Variants in SLX9 observed in about 807,000 individuals in gnomAD.
The protein encoded by SLX9 is ribosome biogenesis protein SLX9 homolog.
In SLX9, 19 loss-of-function variants were observed where a neutral mutation model predicts 20.8. That is an observed-to-expected ratio of 0.91 (90% CI 0.64 to 1.34). The LOEUF (loss-of-function observed/expected upper bound fraction) is 1.34. Ranked by LOEUF, SLX9 falls within the 40% of genes most tolerant of loss-of-function variation. The probability of loss-of-function intolerance (pLI) is 0.00; values close to 1 mark genes in which losing one functional copy is unlikely to be tolerated. For missense variants in SLX9, 299 were observed against 322.2 expected, an observed-to-expected ratio of 0.93 and a Z score of 0.55; for synonymous variants, 113 against 137.1, an observed-to-expected ratio of 0.82 and a Z score of 1.23.
chr21:44,952,471 C>T (rs2084776083), intron 2 of SLX9, among the ~76,000 whole-genome samples: 1 of 152,248 alleles, frequency 6.6e-6, no homozygotes. Context: ...CCCGGGGCCG[C>T]CTTCCATCAC....
At chr21:44,943,659 C>A in intron 1 of SLX9, 25 bp from the exon 2 acceptor site, 1 of 1,610,606 alleles carries the variant, frequency 6.2e-7, no homozygotes, top group Non-Finnish European at 8.5e-7. Flanking sequence ...CTCTTCTTTT[C>A]GTCCGTTTTT....
chr21:44,975,000 G>A (rs546441998), intron 5 of SLX9, among the ~76,000 whole-genome samples: 17 of 152,314 alleles, frequency 1.1e-4, no homozygotes, highest in African/African-American at 3.1e-4. Flanking sequence ...TCAGGTTAAC[G>A]GGTCTCCTGG....
chr21:44,964,026 G>A (rs4819000), intron 3 of SLX9, among the ~76,000 whole-genome samples: 68,305 of 152,076 alleles, frequency 0.45, 17,287 homozygotes, highest in African/African-American at 0.69. Flanking sequence ...TAGCAAAGCA[G>A]ATCTTCAAAT....
chr21:44,960,310 C>T (rs2084930938), intron 3 of SLX9, 142 bp downstream of exon 3: 1 of 789,094 alleles, frequency 1.3e-6, no homozygotes, highest in Admixed American at 2.2e-5. Context: ...CAAGACACTT[C>T]AGAGGCTGCT....
chr21:44,942,407 C>T (rs115119054), intron 1 of SLX9, among the ~76,000 whole-genome samples: 80 of 152,298 alleles, frequency 5.3e-4, no homozygotes, highest in African/African-American at 1.9e-3. Flanking sequence ...CCAAGGACTT[C>T]TCCCTCAGGT....
rs138887488 is a variant in SLX9, at chr21:44,945,737, A to T, written c.283+1900A>T. On this transcript the variant is annotated intron_variant, in intron 2 of 5. Transcript: ENST00000291634. ...TGTTTGTTTGTTTGTTTGGAGACAG[A>T]GTCTTGCTCTGTCGCCAGGGTGGAG... Among the ~76,000 whole-genome samples the T allele has an allele frequency of 4.8e-3, 733 of 152,254 alleles. 7 individuals are homozygous for T. Among genetic ancestry groups the T allele is most frequent in the African/African-American group, 0.016 (680 of 41,532 alleles).
intron 5 of SLX9, among the ~76,000 whole-genome samples, chr21:44,975,231 C>T (rs975050164): frequency 1.3e-5 from 2 of 152,188 alleles, no homozygotes; most frequent in Non-Finnish European, 2.9e-5. Context: ...GGGTCATGCT[C>T]CCCTGGGGGC....
rs769221287 is a variant in SLX9, at chr21:44,976,769, G to T, written c.659G>T (p.Arg220Leu). 4 of 1,550,690 alleles carry T rather than the reference G, an allele frequency of 2.6e-6. No homozygotes were observed. In the Admixed American group the frequency reaches 5.8e-5, roughly 23 times the overall value. ...PLVAIGQTLA[R>L]QMQLEDGGQL Reference sequence around the variant, plus strand: ...GTGGCCATCGGGCAGACGCTGGCCCGGCAGATGCAGCTGGAAGATGGCGGC... The same window carrying T: ...GTGGCCATCGGGCAGACGCTGGCCCTGCAGATGCAGCTGGAAGATGGCGGC... Residue 220 changes from arginine (R) to leucine (L), a missense_variant, in exon 6 of 6, where the codon CGG (arginine) becomes CTG (leucine). Transcript: ENST00000291634.
chr21:44,966,603 C>G (rs2085040152), intron 3 of SLX9, among the ~76,000 whole-genome samples: 1 of 152,190 alleles, frequency 6.6e-6, no homozygotes, highest in Non-Finnish European at 1.5e-5. Context: ...GGGCTTCTCC[C>G]CTTCCCTCTG....
chr21:44,968,148 G>A (rs970321932), intron 4 of SLX9, among the ~76,000 whole-genome samples: 15 of 151,662 alleles, frequency 9.9e-5, no homozygotes, highest in African/African-American at 3.6e-4. Context: ...CCCTCCTCCT[G>A]ACGCACTGAG....
At chr21:44,963,043 G>A (rs2084971620) in intron 3 of SLX9, among the ~76,000 whole-genome samples, 1 of 150,186 alleles carries the variant, frequency 6.7e-6, no homozygotes, top group African/African-American at 2.4e-5. Flanking sequence ...TTGGATATGT[G>A]TTTTACAGAT....
intron 2 of SLX9, among the ~76,000 whole-genome samples, chr21:44,959,634 G>C (rs958214108): frequency 6.6e-6 from 1 of 152,214 alleles, no homozygotes; most frequent in Admixed American, 6.5e-5. Flanking sequence ...GCACATTGTC[G>C]GGCCTGGCAG....
intron 2 of SLX9, among the ~76,000 whole-genome samples, chr21:44,954,018 G>C (rs1409656246): frequency 2.0e-5 from 3 of 152,142 alleles, no homozygotes; most frequent in African/African-American, 7.2e-5. Context: ...TTGTTACCCT[G>C]GCTGGGAGCT....
intron 2 of SLX9, among the ~76,000 whole-genome samples, chr21:44,944,274 G>A (rs1284161218): frequency 1.3e-5 from 2 of 152,200 alleles, no homozygotes; most frequent in Admixed American, 1.3e-4. Flanking sequence ...TCCTGAAGCC[G>A]AAGCAGGGTC....
intron 4 of SLX9, 119 bp downstream of exon 4, chr21:44,967,300 G>A: frequency 7.3e-7 from 1 of 1,368,980 alleles, no homozygotes; most frequent in Non-Finnish European, 9.7e-7. Flanking sequence ...GAGGCCGAGA[G>A]CTGGGGCTCC....
chr21:44,968,750 G>T (rs394531), intron 4 of SLX9, among the ~76,000 whole-genome samples: 3 of 145,202 alleles, frequency 2.1e-5, no homozygotes, highest in Non-Finnish European at 3.0e-5. Flanking sequence ...TGTCATCTCT[G>T]TGCTTTTTTT....
At chr21:44,953,860 C>T (rs1481989960) in intron 2 of SLX9, among the ~76,000 whole-genome samples, 1 of 152,174 alleles carries the variant, frequency 6.6e-6, no homozygotes, top group Non-Finnish European at 1.5e-5. Flanking sequence ...AAACCTCGGC[C>T]GCACCCCAAG....
At chr21:44,960,850 T>C (rs1425232975) in intron 3 of SLX9, among the ~76,000 whole-genome samples, 1 of 152,260 alleles carries the variant, frequency 6.6e-6, no homozygotes, top group Non-Finnish European at 1.5e-5. Context: ...TTTTCTAAGA[T>C]TGTTTCTCGT....
At chr21:44,948,224 G>A (rs2084681411) in intron 2 of SLX9, among the ~76,000 whole-genome samples, 3 of 150,952 alleles carry the variant, frequency 2.0e-5, no homozygotes, top group Admixed American at 1.3e-4. Flanking sequence ...CGGGAATCTG[G>A]TCGTGGAGCA....
Sources: allele counts gnomAD v4.1 joint callset (sites outside exome capture counted in the v4.1 genomes callset), GRCh38; gene constraint gnomAD v4.1.1; transcripts MANE v1.5; gene names NCBI Gene and HGNC (gene_info 2026-07-23, HGNC 2026-07-21).